The following TATDN3 variants were observed in gnomAD, a reference collection of about 807,000 sequenced individuals.
TATDN3 encodes the protein deoxyribonuclease TATDN3.
Under a neutral mutation model 40.1 loss-of-function variants are expected in TATDN3, and 29 were observed. The ratio of observed to expected loss-of-function variants is 0.72; its 90% confidence interval spans 0.54 to 0.99. The LOEUF (loss-of-function observed/expected upper bound fraction) is 0.99, where lower values mean the gene tolerates loss of function less well. TATDN3 is among the 50% of genes least tolerant of loss of function. The pLI is 0.00. For synonymous variants in TATDN3, 105 were observed against 117.0 expected (o/e 0.90, Z 0.66); for missense variants, 309 against 321.9 (o/e 0.96, Z 0.31).
chr1:212,796,739 CTT>C, intron 3 of TATDN3, 149 bp downstream of exon 3: 14 of 505,126 alleles, frequency 2.8e-5, no homozygotes, highest in Middle Eastern at 5.6e-4. Context: ...CTACTTATTC[CTT>C]TTTTTTTTCT....
intron 8 of TATDN3, among the ~76,000 whole-genome samples, chr1:212,809,193 T>G (rs527675508): frequency 7.9e-5 from 12 of 152,254 alleles, no homozygotes; most frequent in African/African-American, 2.4e-4. Flanking sequence ...CAATATAGAT[T>G]AGTGGTTTCC....
intron 1 of TATDN3, among the ~76,000 whole-genome samples, chr1:212,794,239 A>T (rs1270039352): frequency 6.7e-6 from 1 of 150,164 alleles, no homozygotes; most frequent in Non-Finnish European, 1.5e-5. Context: ...CGAGATCGTG[A>T]CACTGCACTC....
chr1:212,809,659 T>C (rs1024200941), intron 8 of TATDN3, among the ~76,000 whole-genome samples: 3 of 149,054 alleles, frequency 2.0e-5, no homozygotes. Flanking sequence ...CACTCCAGCC[T>C]GGGTGACAGA....
At chr1:212,810,965 C>T (rs962738763) in intron 8 of TATDN3, among the ~76,000 whole-genome samples, 5 of 152,000 alleles carry the variant, frequency 3.3e-5, no homozygotes, top group Non-Finnish European at 7.4e-5. Flanking sequence ...ATTATGAGAA[C>T]ATCCAGTTAG....
At chr1:212,797,041 T>C in intron 3 of TATDN3, 71 bp from the exon 4 acceptor site, 6 of 1,238,158 alleles carry the variant, frequency 4.8e-6, no homozygotes, top group Non-Finnish European at 7.1e-6. Context: ...CGACCTCTAC[T>C]TATTCTTTAG....
At chr1:212,801,415 A>G (rs925272929) in intron 4 of TATDN3, among the ~76,000 whole-genome samples, 1 of 152,208 alleles carries the variant, frequency 6.6e-6, no homozygotes, top group Non-Finnish European at 1.5e-5. Context: ...ATTAATTTCT[A>G]CTTATCATTC....
chr1:212,812,220 A>G, intron 8 of TATDN3, 28 bp from the exon 9 acceptor site: 1 of 1,448,668 alleles, frequency 6.9e-7, no homozygotes, highest in Non-Finnish European at 9.4e-7. Flanking sequence ...TCATGTTTTA[A>G]ACTTAGCTGC....
intron 5 of TATDN3, 131 bp from the exon 6 acceptor site, chr1:212,804,189 G>C: frequency 3.4e-6 from 2 of 587,414 alleles, no homozygotes. Flanking sequence ...GTGGCTACTA[G>C]AATTAATATT....
chr1:212,813,274 T>A (rs937339184), intron 9 of TATDN3, among the ~76,000 whole-genome samples: 11 of 152,208 alleles, frequency 7.2e-5, no homozygotes, highest in African/African-American at 2.7e-4. Context: ...ATATTGCTAC[T>A]ATTTTAAATT....
chr1:212,793,980 G>A (rs1661544966), intron 1 of TATDN3, among the ~76,000 whole-genome samples: 1 of 152,066 alleles, frequency 6.6e-6, no homozygotes, highest in Non-Finnish European at 1.5e-5. Flanking sequence ...AGAATTACAA[G>A]CTAAAGATAA....
chr1:212,795,520 C>G (rs1571947251), intron 2 of TATDN3, among the ~76,000 whole-genome samples: 1 of 151,432 alleles, frequency 6.6e-6, no homozygotes, highest in East Asian at 1.9e-4. Flanking sequence ...ATCTGCCCAC[C>G]TCGACCTCCC....
At chr1:212,797,324 T>G (rs1247748624) in intron 4 of TATDN3, 128 bp downstream of exon 4, 1 of 701,304 alleles carries the variant, frequency 1.4e-6, no homozygotes, top group African/African-American at 1.8e-5. Context: ...TTACCTTCTT[T>G]AACAAAGATG....
intron 3 of TATDN3, chr1:212,796,820 C>T (rs1661798443): frequency 2.1e-6 from 1 of 476,122 alleles, no homozygotes; most frequent in South Asian, 4.2e-5. Context: ...TCACTGCAAC[C>T]TCTGCCTCCT....
intron 4 of TATDN3, among the ~76,000 whole-genome samples, chr1:212,798,421 G>T (rs1488472613): frequency 6.6e-6 from 1 of 150,986 alleles, no homozygotes; most frequent in Non-Finnish European, 1.5e-5. Context: ...TCATGACCAG[G>T]CATGGTGGCT....
intron 1 of TATDN3, among the ~76,000 whole-genome samples, chr1:212,793,986 G>C (rs552802035): frequency 9.2e-5 from 14 of 152,150 alleles, no homozygotes; most frequent in Admixed American, 5.2e-4. Flanking sequence ...ACAAGCTAAA[G>C]ATAAAAATTG....
chr1:212,793,897 G>A (rs1019297523), intron 1 of TATDN3, among the ~76,000 whole-genome samples: 2 of 152,054 alleles, frequency 1.3e-5, no homozygotes, highest in African/African-American at 2.4e-5. Flanking sequence ...TTATGTTTGG[G>A]GCATATTGGG....
intron 7 of TATDN3, among the ~76,000 whole-genome samples, chr1:212,806,819 CATATAT>C (rs1446261865): frequency 3.4e-5 from 2 of 59,286 alleles, no homozygotes; most frequent in African/African-American, 5.3e-5. Context: ...CATATATACA[CATATAT>C]ACATATATAT....
At chr1:212,807,894 T>G in intron 8 of TATDN3, 46 bp downstream of exon 8, 1 of 1,303,602 alleles carries the variant, frequency 7.7e-7, no homozygotes, top group Non-Finnish European at 1.1e-6. Flanking sequence ...GAAATAAAAT[T>G]TAAAACATGA....
intron 1 of TATDN3, 152 bp downstream of exon 1, chr1:212,792,139 T>G: frequency 5.3e-6 from 4 of 749,742 alleles, no homozygotes; most frequent in East Asian, 5.6e-5. Flanking sequence ...CATTTCCCTA[T>G]TCCCTATTTA....
Sources: gnomAD v4.1 joint callset for allele counts (sites outside exome capture counted in the v4.1 genomes callset) on GRCh38, gnomAD v4.1.1 for gene constraint, MANE v1.5 for transcripts, NCBI Gene and HGNC (gene_info 2026-07-23, HGNC 2026-07-21) for gene names.